Variants in GARIN6 observed in about 807,000 individuals in gnomAD.
GARIN6 encodes Golgi-associated RAB2 interactor protein 6.
At chr12:99,648,137 G>T in the GARIN6 span, 1 of 1,584,122 alleles carries the variant, frequency 6.3e-7, no homozygotes, top group South Asian at 1.1e-5. Flanking sequence ...GGAAGGTGTG[G>T]AGCAGCTGCT....
the GARIN6 span, chr12:99,648,888 C>T: frequency 6.9e-7 from 1 of 1,448,530 alleles, no homozygotes. Context: ...CTGGGAAATG[C>T]ATTGCATTTG....
chr12:99,648,545 T>C, the GARIN6 span: 6 of 1,614,206 alleles, frequency 3.7e-6, no homozygotes, highest in Non-Finnish European at 5.1e-6. Context: ...CTTCCCTTGA[T>C]GTTTGTGAAA....
chr12:99,647,996 G>A, the GARIN6 span: 19,304 of 766,520 alleles, frequency 0.025, 1,751 homozygotes, highest in African/African-American at 0.21. Context: ...GGCATTGAGC[G>A]GTTGGTAATC....
At chr12:99,648,212 A>AGTAGCTGTT in the GARIN6 span, 9 of 1,614,092 alleles carry the variant, frequency 5.6e-6, no homozygotes, top group Non-Finnish European at 6.8e-6. Context: ...TACACGGCCC[A>AGTAGCTGTT]AAGCAGCCCC....
the GARIN6 span, chr12:99,648,117 A>C: frequency 2.6e-6 from 4 of 1,561,236 alleles, no homozygotes; most frequent in Non-Finnish European, 8.7e-7. Flanking sequence ...TGCCCGCTAA[A>C]GCATGTTAAG....
At chr12:99,648,829 G>A in the GARIN6 span, 4 of 1,572,648 alleles carry the variant, frequency 2.5e-6, no homozygotes, top group African/African-American at 2.7e-5. Flanking sequence ...TGGATGCTTT[G>A]GGGGAGAGCA....
the GARIN6 span, chr12:99,648,845 A>G: frequency 1.3e-6 from 2 of 1,537,244 alleles, no homozygotes; most frequent in South Asian, 2.5e-5. Flanking sequence ...GAGCAGGTAC[A>G]GGTCCTGTAA....
the GARIN6 span, among the ~76,000 whole-genome samples, chr12:99,649,018 C>CTTCATTTTATACCCACAGCTG: frequency 6.6e-6 from 1 of 150,956 alleles, no homozygotes; most frequent in African/African-American, 2.5e-5. Flanking sequence ...GTCAGCAACT[C>CTTCATTTTATACCCACAGCTG]TTCATTTTAT....
At chr12:99,649,743 G>A in the GARIN6 span, 1 of 210,576 alleles carries the variant, frequency 4.7e-6, no homozygotes, top group Non-Finnish European at 9.6e-6. Flanking sequence ...TCTCCCTAGA[G>A]AGCAGTATGA....
chr12:99,648,132 G>A, the GARIN6 span: 5 of 1,582,442 alleles, frequency 3.2e-6, no homozygotes, highest in Non-Finnish European at 4.3e-6. Context: ...GTTAAGGAAG[G>A]TGTGGAGCAG....
the GARIN6 span, chr12:99,649,166 C>T: frequency 1.3e-6 from 1 of 782,628 alleles, no homozygotes; most frequent in Non-Finnish European, 2.2e-6. Flanking sequence ...CACTTATATA[C>T]ATTGGTGGCA....
At chr12:99,648,525 A>G in the GARIN6 span, 1 of 1,614,178 alleles carries the variant, frequency 6.2e-7, no homozygotes, top group Non-Finnish European at 8.5e-7. Context: ...TCTTAGAACT[A>G]ACCAGGCTGC....
the GARIN6 span, chr12:99,648,232 A>G: frequency 6.2e-7 from 1 of 1,614,220 alleles, no homozygotes; most frequent in African/African-American, 1.3e-5. Flanking sequence ...CGCAATGGGC[A>G]TGTTTAACAC....
At chr12:99,648,000 G>C in the GARIN6 span, 17 of 815,346 alleles carry the variant, frequency 2.1e-5, no homozygotes, top group Non-Finnish European at 3.0e-5. Context: ...TTGAGCGGTT[G>C]GTAATCAATA....
At chr12:99,648,218 G>A in the GARIN6 span, 276 of 1,614,176 alleles carry the variant, frequency 1.7e-4, 1 homozygote, top group South Asian at 3.6e-4. Context: ...GCCCAAAGCA[G>A]CCCCGCAATG....
the GARIN6 span, chr12:99,649,216 G>A: frequency 1.7e-6 from 2 of 1,179,036 alleles, no homozygotes; most frequent in Non-Finnish European, 2.5e-6. Context: ...ATTTCTTTTT[G>A]TTGTTTACCT....
At chr12:99,649,311 A>G in the GARIN6 span, 1 of 1,614,152 alleles carries the variant, frequency 6.2e-7, no homozygotes, top group Non-Finnish European at 8.5e-7. Flanking sequence ...AGTTTTGTGA[A>G]GAGAAGGAGC....
At chr12:99,648,719 AT>A in the GARIN6 span, 1 of 1,614,100 alleles carries the variant, frequency 6.2e-7, no homozygotes, top group Non-Finnish European at 8.5e-7. Context: ...GCTTACAGTG[AT>A]ACCAGGGCTA....
At chr12:99,648,397 C>T in the GARIN6 span, 67 of 1,614,046 alleles carry the variant, frequency 4.2e-5, 1 homozygote, top group Middle Eastern at 1.6e-4. Flanking sequence ...GGGCATCGTT[C>T]GCACCAGCCC....
Sources: gnomAD v4.1 joint callset for allele counts (sites outside exome capture counted in the v4.1 genomes callset) on GRCh38, gnomAD v4.1.1 for gene constraint, MANE v1.5 for transcripts, NCBI Gene and HGNC (gene_info 2026-07-23, HGNC 2026-07-21) for gene names.